The following PIEZO1 variants were observed in gnomAD, a reference collection of about 807,000 sequenced individuals.
PIEZO1 encodes piezo type mechanosensitive ion channel component 1 (Er blood group).
PIEZO1 carries 296 observed loss-of-function variants against 297.2 expected under a neutral mutation model. That is an observed-to-expected ratio of 1.00 (90% CI 0.91 to 1.10). The LOEUF (loss-of-function observed/expected upper bound fraction) is 1.10. Among genes scored for constraint, PIEZO1 ranks in the 50% least tolerant of loss-of-function variants. The probability of loss-of-function intolerance (pLI) is 0.00; values close to 1 mark genes in which losing one functional copy is unlikely to be tolerated. For missense variants in PIEZO1, 5,018 were observed against 3,455.5 expected (o/e 1.45, Z -11.34); for synonymous variants, 2,427 against 1,507.5 (o/e 1.61, Z -14.13).
chr16:88,733,946 C>T lies in PIEZO1; in HGVS notation c.2289G>A (p.Leu763=). 1 of 1,545,342 alleles carries T rather than the reference C, an allele frequency of 6.5e-7. No individual in the cohort carries two copies. The highest frequency in any genetic ancestry group is 8.7e-7 in the Non-Finnish European group (1 of 1,144,030). The change falls in exon 17 of 51, where the codon CTG becomes CTA. Residue 763 remains leucine (L), a synonymous_variant. Transcript: ENST00000301015. ...TGGCCTGGTGGGGAGTGGCCACGCC[C>T]AGCCCCTCGTCCCTGGAGTCCTCCT... ...EEEEDSRDEG[L]GVATPHQATQ... is the part of the protein sequence containing the mutation.
chr16:88,730,430 T>A (rs1904723582), intron 22 of PIEZO1, among the ~76,000 whole-genome samples: 1 of 151,772 alleles, frequency 6.6e-6, no homozygotes, highest in Non-Finnish European at 1.5e-5. Context: ...AAACCCCGTC[T>A]CTACTAAAAA....
chr16:88,719,451 C>T lies in PIEZO1; in HGVS notation c.6471+123G>A. On this transcript the variant is annotated intron_variant, in intron 44 of 50. Coordinates refer to ENST00000301015, the MANE Select transcript of PIEZO1 (RefSeq NM_001142864.4). ...TAGTGGGTGGGCTCGCCTCATGTCC[C>T]CATGGGCTCCGAGCCCTGGGAGGGC... is the stretch of plus-strand genomic sequence containing the variant. The T allele has an allele frequency of 3.3e-6, 3 of 902,308 alleles. 1 individual carries two copies. The highest frequency in any genetic ancestry group is 2.3e-4 in the Middle Eastern group (1 of 4,392). 55.9% of individuals were successfully genotyped at this position (902,308 alleles called of 1,614,324 possible). A position where few individuals can be genotyped will look rare whatever the true frequency, so the allele number is the denominator to read the frequency against.
At chr16:88,742,870 G>A (rs2142846253) in intron 2 of PIEZO1, 2 of 357,260 alleles carry the variant, frequency 5.6e-6, no homozygotes, top group East Asian at 7.5e-5. Context: ...CGTGGCTGGG[G>A]TGGGAGCAGG....
At chr16:88,724,682 G>T (rs141197312) in intron 30 of PIEZO1, among the ~76,000 whole-genome samples, 3 of 152,170 alleles carry the variant, frequency 2.0e-5, no homozygotes, top group African/African-American at 7.2e-5. Context: ...GTGACAGAGC[G>T]AGACTCCATC....
intron 5 of PIEZO1, 153 bp from the exon 6 acceptor site, chr16:88,738,889 G>T (rs983201019): frequency 7.5e-6 from 5 of 667,024 alleles, no homozygotes; most frequent in Non-Finnish European, 1.0e-5. Context: ...ACAGGCCCCA[G>T]CCGTCCCTGA....
At chr16:88,755,556 G>A (rs1906613161) in intron 1 of PIEZO1, among the ~76,000 whole-genome samples, 1 of 152,224 alleles carries the variant, frequency 6.6e-6, no homozygotes, top group Non-Finnish European at 1.5e-5. Context: ...GAGGCTGCCT[G>A]AGGCCATGTT....
chr16:88,746,045 G>A (rs998204078), intron 2 of PIEZO1, among the ~76,000 whole-genome samples: 2 of 150,468 alleles, frequency 1.3e-5, no homozygotes, highest in African/African-American at 2.4e-5. Context: ...TGATCCGTGG[G>A]GTGTGCATGG....
Position 88,716,466 on chromosome 16 carries a change from C to T in PIEZO1, c.6944G>A (p.Gly2315Asp). 1.3e-6 allele frequency: 2 copies of T among 1,548,162 alleles called. No individual in the cohort carries two copies. Among genetic ancestry groups the T allele is most frequent in the Non-Finnish European group, 8.7e-7 (1 of 1,145,658 alleles). The change falls in exon 48 of 51, where the codon GGC (glycine) becomes GAC (aspartate). Residue 2315 changes from glycine (G) to aspartate (D), a missense_variant. Transcript: ENST00000301015. ...CTTCTCGTTGGCATACTCCACAGTG[C>T]CTCCCTTCGCCAGGTCCCTGGGGGT... ...WNFQRDLAKG[G>D]TVEYANEKHM...
rs2142833353 is a variant in PIEZO1 at position 88,738,090 on chromosome 16, C to G, written c.864G>C (p.Lys288Asn). ...AGCAGTTGGTGGGACCCACGAAGTCCTTGAGACCCAGCACCCTGTCCAGAG... is the reference window on the plus strand; with the variant it reads ...AGCAGTTGGTGGGACCCACGAAGTCGTTGAGACCCAGCACCCTGTCCAGAG... ...AGIWARVLGL[K>N]DFVGPTNCSS... The change falls in exon 8 of 51, where the codon AAG becomes AAC. Residue 288 changes from lysine (K) to asparagine (N), a missense_variant. Transcript: ENST00000301015. 6.5e-7 allele frequency: 1 copy of G among 1,535,860 alleles called. No homozygotes were observed. Among genetic ancestry groups the G allele is most frequent in the Non-Finnish European group, 8.7e-7 (1 of 1,146,868 alleles).
rs1051232477 is a variant in PIEZO1, at chr16:88,716,287, G to A, written c.7050-10C>T. On this transcript the variant is annotated splice_polypyrimidine_tract_variant and intron_variant, in intron 48 of 50. Coordinates refer to ENST00000301015, the MANE Select transcript of PIEZO1 (RefSeq NM_001142864.4). Reference sequence around the variant, plus strand: ...GAGATTAGGGATGACCCTGCAGGGAGGTGCTGGCAGGTCAGGCCTGGCCCA... The same window carrying A: ...GAGATTAGGGATGACCCTGCAGGGAAGTGCTGGCAGGTCAGGCCTGGCCCA... 4.0e-6 allele frequency: 6 copies of A among 1,488,708 alleles called. No individual in the cohort carries two copies. The highest frequency in any genetic ancestry group is 5.4e-6 in the Non-Finnish European group (6 of 1,113,706). The allele number at this position is 1,488,708 out of a possible 1,614,324, so 92.2% of individuals were successfully genotyped here. A position where few individuals can be genotyped will look rare whatever the true frequency, so the allele number is the denominator to read the frequency against.
rs1482811039 is a variant in PIEZO1 at position 88,735,031 on chromosome 16, C to T, written c.1692G>A (p.Leu564=). The change falls in exon 14 of 51, where the codon CTG becomes CTA. Residue 564 remains leucine (L), a synonymous_variant. Transcript: ENST00000301015. ...ADTEPTRTQT[L]LQSLGELVKG... ...TCACCAGCTCCCCCAGGCTCTGCAACAGCGTCTGCGTCCGCGTGGGCTCTG... is the reference window on the plus strand; with the variant it reads ...TCACCAGCTCCCCCAGGCTCTGCAATAGCGTCTGCGTCCGCGTGGGCTCTG... 6.5e-7 allele frequency: 1 copy of T among 1,550,322 alleles called. No homozygotes were observed. The highest frequency in any genetic ancestry group is 1.4e-5 in the African/African-American group (1 of 73,070).
rs1432185620 is a variant in PIEZO1 at position 88,721,160 on chromosome 16, T to G, written c.5668+6A>C. ...GGCAGGAGGTTGTGAGGCAGGGCGC[T>G]TATACCGATGGCTGCCGCTCCTTTC... On this transcript the variant is annotated splice_donor_region_variant and intron_variant, in intron 39 of 50. Transcript: ENST00000301015. 16 of 1,495,226 alleles carry G rather than the reference T, an allele frequency of 1.1e-5. No homozygotes were observed. The highest frequency in any genetic ancestry group is 1.4e-5 in the Non-Finnish European group (16 of 1,123,506). 92.6% of individuals were successfully genotyped at this position (1,495,226 alleles called of 1,614,324 possible).
rs1255165271 is a variant in PIEZO1 at position 88,742,069 on chromosome 16, G to A, written c.310C>T (p.His104Tyr). The A allele has an allele frequency of 1.3e-6, 2 of 1,536,088 alleles. No homozygotes were observed. Among genetic ancestry groups the A allele is most frequent in the Admixed American group, 2.0e-5 (1 of 50,974 alleles). The change falls in exon 4 of 51, where the codon CAC (histidine) becomes TAC (tyrosine). Residue 104 changes from histidine (H) to tyrosine (Y), a missense_variant. By Grantham distance (83) the His-to-Tyr change is moderately conservative. Coordinates refer to ENST00000301015, the MANE Select transcript of PIEZO1 (RefSeq NM_001142864.4). Reference sequence around the variant, plus strand: ...TGGTCTTACCTTGTGACCCCTATGTGTCGCGAGAGGGTCTCCCAGCGGCTG... The same window carrying A: ...TGGTCTTACCTTGTGACCCCTATGTATCGCGAGAGGGTCTCCCAGCGGCTG... ...SCSRWETLSR[H>Y]IGVTRLDLKD...
chr16:88,727,852 T>A, intron 22 of PIEZO1, 191 bp from the exon 23 acceptor site: 2 of 385,106 alleles, frequency 5.2e-6, no homozygotes, highest in Non-Finnish European at 9.2e-6. Context: ...CCTTCAACTC[T>A]GCACCAAGCC....
chr16:88,762,837 G>A (rs879924915), intron 1 of PIEZO1, among the ~76,000 whole-genome samples: 8 of 152,188 alleles, frequency 5.3e-5, no homozygotes, highest in Non-Finnish European at 1.0e-4. Context: ...GAGAAGGACA[G>A]CCACAAGGTG....
rs929757920 is a variant in PIEZO1 at position 88,723,878 on chromosome 16, G to A, written c.4328C>T (p.Ala1443Val). The A allele has an allele frequency of 5.9e-6, 9 of 1,528,080 alleles. No individual in the cohort carries two copies. The highest frequency in any genetic ancestry group is 1.2e-5 in the South Asian group (1 of 83,650). 94.7% of individuals were successfully genotyped at this position (1,528,080 alleles called of 1,614,324 possible). ...GGGGCTCTCCCACCTCACCTGGAAGGCACTCTGTGCCGACGGCCTCGGGTC... is the reference window on the plus strand; with the variant it reads ...GGGGCTCTCCCACCTCACCTGGAAGACACTCTGTGCCGACGGCCTCGGGTC... ...PEDPRPSAQSAFQLAYQAWVT... is the reference protein window; with the variant it reads ...PEDPRPSAQSVFQLAYQAWVT... The change falls in exon 31 of 51, where the codon GCC becomes GTC. Residue 1443 changes from alanine (A) to valine (V), a missense_variant. Coordinates refer to ENST00000301015, the MANE Select transcript of PIEZO1 (RefSeq NM_001142864.4).
chr16:88,721,801 G>A lies in PIEZO1; in HGVS notation c.5214+7C>T, dbSNP rs764990602. The A allele has an allele frequency of 2.2e-4, 335 of 1,539,076 alleles. No individual in the cohort carries two copies. Among genetic ancestry groups the A allele is most frequent in the African/African-American group, 1.4e-3 (104 of 72,958 alleles). On this transcript the variant is annotated splice_region_variant and intron_variant, in intron 37 of 50. Transcript: ENST00000301015. ...CGGGCGCCCCCTCCCCCGCGGCCTC[G>A]GCCCACCTCGGTGAAGACGATGGCC...
intron 2 of PIEZO1, among the ~76,000 whole-genome samples, chr16:88,746,451 C>T (rs2142855739): frequency 6.6e-6 from 1 of 152,316 alleles, no homozygotes; most frequent in South Asian, 2.1e-4. Context: ...GGTCTGTTCC[C>T]TCTGCCCCAG....
At chr16:88,744,690 C>A (rs1406273745) in intron 2 of PIEZO1, among the ~76,000 whole-genome samples, 1 of 151,710 alleles carries the variant, frequency 6.6e-6, no homozygotes, top group Non-Finnish European at 1.5e-5. Context: ...AGTTCTCGGG[C>A]CGGCCAGAGT....
Sources: gnomAD v4.1 joint callset for allele counts (sites outside exome capture counted in the v4.1 genomes callset) on GRCh38, gnomAD v4.1.1 for gene constraint, MANE v1.5 for transcripts, NCBI Gene and HGNC (gene_info 2026-07-23, HGNC 2026-07-21) for gene names.